AGBL4: variants seen among roughly 807,000 people sequenced by gnomAD.
AGBL4 encodes the protein AGBL carboxypeptidase 4, also known as cytosolic carboxypeptidase 6.
Under a neutral mutation model 66.4 loss-of-function variants are expected in AGBL4, and 58 were observed. The ratio of observed to expected loss-of-function variants is 0.87; its 90% confidence interval spans 0.71 to 1.09. The LOEUF (loss-of-function observed/expected upper bound fraction) is 1.09. Among genes scored for constraint, AGBL4 ranks in the 50% least tolerant of loss-of-function variants. The probability of loss-of-function intolerance (pLI) is 0.00; values close to 1 mark genes in which losing one functional copy is unlikely to be tolerated. For synonymous variants in AGBL4, 234 were observed against 222.9 expected, an observed-to-expected ratio of 1.05 and a Z score of -0.44; for missense variants, 579 against 631.0, an observed-to-expected ratio of 0.92 and a Z score of 0.88.
chr1:49,963,407 G>T (rs901221245), intron 1 of AGBL4, among the ~76,000 whole-genome samples: 1 of 152,104 alleles, frequency 6.6e-6, no homozygotes, highest in African/African-American at 2.4e-5. Context: ...CACCAGAGAA[G>T]CAAAACCTAA....
At chr1:49,428,236 C>T (rs565085778) in intron 3 of AGBL4, among the ~76,000 whole-genome samples, 21 of 152,316 alleles carry the variant, frequency 1.4e-4, no homozygotes, top group African/African-American at 4.1e-4. Flanking sequence ...TTGGGGACCA[C>T]ACTATAAGTG....
At chr1:48,958,979 ACTC>A (rs1657729093) in intron 5 of AGBL4, among the ~76,000 whole-genome samples, 1 of 151,952 alleles carries the variant, frequency 6.6e-6, no homozygotes, top group Non-Finnish European at 1.5e-5. Flanking sequence ...TAGACTATAG[ACTC>A]CTTAAGGGCA....
At chr1:49,763,951 A>G (rs1291112679) in intron 2 of AGBL4, among the ~76,000 whole-genome samples, 1 of 152,066 alleles carries the variant, frequency 6.6e-6, no homozygotes, top group Non-Finnish European at 1.5e-5. Context: ...CTTGTCATGC[A>G]AGGCTTGCTG....
At chr1:48,999,839 A>G (rs1346029670) in intron 5 of AGBL4, among the ~76,000 whole-genome samples, 2 of 152,122 alleles carry the variant, frequency 1.3e-5, no homozygotes, top group Admixed American at 6.5e-5. Context: ...AGCCCCCCTT[A>G]GACCCCATTA....
At chr1:49,352,505 G>A (rs188095646) in intron 3 of AGBL4, among the ~76,000 whole-genome samples, 1 of 150,872 alleles carries the variant, frequency 6.6e-6, no homozygotes, top group African/African-American at 2.4e-5. Flanking sequence ...GAGAATATCA[G>A]CTCCCAGCAG....
intron 5 of AGBL4, among the ~76,000 whole-genome samples, chr1:48,988,356 C>T (rs1660337802): frequency 6.6e-6 from 1 of 152,082 alleles, no homozygotes; most frequent in Non-Finnish European, 1.5e-5. Flanking sequence ...TGTTTGACTT[C>T]TATTTTATGC....
chr1:48,820,977 A>G (rs1007115371), intron 6 of AGBL4, among the ~76,000 whole-genome samples: 4 of 152,238 alleles, frequency 2.6e-5, no homozygotes, highest in African/African-American at 9.6e-5. Context: ...GAAGACATAC[A>G]AGTGGCCAAT....
chr1:48,766,588 C>T (rs745689754), intron 6 of AGBL4, among the ~76,000 whole-genome samples: 2 of 152,150 alleles, frequency 1.3e-5, no homozygotes, highest in African/African-American at 4.8e-5. Context: ...GAAAAGGTGG[C>T]TGAATAGTCC....
At chr1:48,708,243 A>G (rs116600775) in intron 6 of AGBL4, among the ~76,000 whole-genome samples, 1,774 of 152,200 alleles carry the variant, frequency 0.012, 36 homozygotes, top group African/African-American at 0.041. Context: ...TCAGCCTGCT[A>G]CCTCAGGTGC....
At chr1:49,995,010 T>C (rs764385394) in intron 1 of AGBL4, 9 of 404,342 alleles carry the variant, frequency 2.2e-5, no homozygotes, top group South Asian at 7.3e-5. Flanking sequence ...AGGGAAGCCA[T>C]TGTTGACTTT....
chr1:48,573,043 T>A lies in AGBL4; in HGVS notation c.1267+13961A>T, dbSNP rs1238417755. On this transcript the variant is annotated intron_variant, in intron 11 of 13. Coordinates refer to ENST00000371839, the MANE Select transcript of AGBL4 (RefSeq NM_032785.4). ...AGGCTGGGAATTAAACTGACTTGGG[T>A]CCTCTGTGGCTGCCTCTACACCGGC... Among the ~76,000 whole-genome samples the A allele has an allele frequency of 2.6e-5, 4 of 152,236 alleles. No individual in the cohort carries two copies. In the East Asian group the frequency reaches 7.7e-4, roughly 29 times the overall value.
At chr1:49,826,563 T>C (rs1309834909) in intron 2 of AGBL4, among the ~76,000 whole-genome samples, 2 of 152,210 alleles carry the variant, frequency 1.3e-5, no homozygotes, top group Non-Finnish European at 2.9e-5. Flanking sequence ...TTTCATGATC[T>C]CCTCTTACAT....
chr1:49,474,038 A>G (rs1646800390), intron 3 of AGBL4, among the ~76,000 whole-genome samples: 1 of 152,070 alleles, frequency 6.6e-6, no homozygotes, highest in Non-Finnish European at 1.5e-5. Context: ...GCAGCCTTGT[A>G]GCATAGTTTG....
chr1:48,537,374 G>A (rs181617391), intron 12 of AGBL4, among the ~76,000 whole-genome samples: 1 of 152,216 alleles, frequency 6.6e-6, no homozygotes, highest in African/African-American at 2.4e-5. Flanking sequence ...TTCTGAAGAG[G>A]GCTCCAAAGC....
intron 6 of AGBL4, among the ~76,000 whole-genome samples, chr1:48,835,654 A>C (rs923552756): frequency 2.6e-5 from 4 of 152,186 alleles, no homozygotes; most frequent in African/African-American, 4.8e-5. Flanking sequence ...TAATCTTAAT[A>C]AGCCTCTGCC....
chr1:49,047,940 G>A (rs1644120253), intron 4 of AGBL4, among the ~76,000 whole-genome samples: 1 of 152,058 alleles, frequency 6.6e-6, no homozygotes, highest in Non-Finnish European at 1.5e-5. Flanking sequence ...ACAGACCAGT[G>A]CAAGGATGTG....
intron 1 of AGBL4, among the ~76,000 whole-genome samples, chr1:49,939,212 C>G (rs756768463): frequency 8.0e-5 from 12 of 150,164 alleles, no homozygotes; most frequent in African/African-American, 2.5e-4. Flanking sequence ...AGGATACAAA[C>G]AAATGGAAGA....
At chr1:49,116,115 TGTATAA>T (rs1176876583) in intron 4 of AGBL4, among the ~76,000 whole-genome samples, 11 of 152,232 alleles carry the variant, frequency 7.2e-5, no homozygotes, top group Non-Finnish European at 1.2e-4. Context: ...TAAAAATCTC[TGTATAA>T]GTATGTTTTT....
intron 3 of AGBL4, among the ~76,000 whole-genome samples, chr1:49,621,435 G>A (rs960511260): frequency 1.3e-5 from 2 of 152,200 alleles, no homozygotes; most frequent in Non-Finnish European, 2.9e-5. Flanking sequence ...CTTGTGGAAT[G>A]CTGAGAAAGG....
Sources: allele counts gnomAD v4.1 joint callset (sites outside exome capture counted in the v4.1 genomes callset), GRCh38; gene constraint gnomAD v4.1.1; transcripts MANE v1.5; gene names NCBI Gene and HGNC (gene_info 2026-07-23, HGNC 2026-07-21).